The following SLC44A2 variants were observed in gnomAD, a reference collection of about 807,000 sequenced individuals.
SLC44A2 encodes solute carrier family 44 member 2 (CTL2 blood group).
A neutral mutation model predicts 90.8 loss-of-function variants in SLC44A2; 57 were observed. The observed-to-expected ratio is 0.63, with a 90% CI of 0.51 to 0.78. The LOEUF (loss-of-function observed/expected upper bound fraction) is 0.78. Ranked by LOEUF, SLC44A2 falls within the 30% of genes least tolerant of loss-of-function variation. The pLI, the probability that SLC44A2 is intolerant of heterozygous loss-of-function variation, is 0.00. For synonymous variants in SLC44A2, 355 were observed against 360.7 expected (o/e 0.98, Z 0.18); for missense variants, 794 against 919.7 (o/e 0.86, Z 1.77).
intron 2 of SLC44A2, among the ~76,000 whole-genome samples, chr19:10,627,448 G>A (rs927667987): frequency 6.6e-6 from 1 of 152,120 alleles, no homozygotes; most frequent in African/African-American, 2.4e-5. Context: ...AGCTGAGGCA[G>A]GAGGATCACT....
chr19:10,615,644 T>C (rs1047795909), intron 1 of SLC44A2, among the ~76,000 whole-genome samples: 1 of 151,414 alleles, frequency 6.6e-6, no homozygotes, highest in Non-Finnish European at 1.5e-5. Flanking sequence ...GAGGGGTTGG[T>C]CTTGCTGTCT....
chr19:10,618,997 C>T (rs901447086), intron 1 of SLC44A2, among the ~76,000 whole-genome samples: 2 of 132,704 alleles, frequency 1.5e-5, no homozygotes, highest in African/African-American at 2.9e-5. Context: ...CAGGGTCACA[C>T]TATGTCACCC....
rs566264111 is a variant in SLC44A2, at chr19:10,640,837, G to A, written c.1930-1530G>A. Among the ~76,000 whole-genome samples the A allele has an allele frequency of 6.6e-5, 10 of 152,290 alleles. 1 individual carries two copies. The South Asian group carries it at 2.1e-3, about 32-fold the overall frequency. On this transcript the variant is annotated intron_variant, in intron 20 of 21. Coordinates refer to ENST00000335757, the MANE Select transcript of SLC44A2 (RefSeq NM_020428.4). Reference sequence around the variant, plus strand: ...ATGGTGGCCCACACCTGTAATCCCAGCACTTTGGGAAGCCAAGGCAGGCGG... The same window carrying A: ...ATGGTGGCCCACACCTGTAATCCCAACACTTTGGGAAGCCAAGGCAGGCGG...
At position 10,636,886 on chromosome 19, in the gene SLC44A2, G is replaced by A. The variant is rs192240052; in HGVS notation, c.1591+130G>A. 248 of 970,682 alleles carry A rather than the reference G, an allele frequency of 2.6e-4. 1 individual carries two copies. The highest frequency in any genetic ancestry group is 9.0e-4 in the Middle Eastern group (4 of 4,440). 60.1% of individuals were successfully genotyped at this position (970,682 alleles called of 1,614,324 possible). The stretch of plus-strand genomic sequence containing the variant: ...GCAGTGATGGGTTTCTGTCTATGAC[G>A]GGGTGGAGTTCAGGAGTTGGCGTGA... On this transcript the variant is annotated intron_variant, in intron 16 of 21. Transcript: ENST00000335757.
chr19:10,641,971 C>A (rs1009939671), intron 20 of SLC44A2, among the ~76,000 whole-genome samples: 1 of 151,854 alleles, frequency 6.6e-6, no homozygotes, highest in Non-Finnish European at 1.5e-5. Flanking sequence ...ACCAGCCTGG[C>A]CAACATGGTG....
In SLC44A2 at chr19:10,635,247, C is replaced by T. The variant is rs7255431; in HGVS notation, c.1140C>T (p.Ser380=). The part of the protein sequence containing the change: ...LLCLCIAYWA[S]TAVFLSTSNE... ...GCCTCTGCATCGCCTACTGGGCCAG[C>T]ACTGCTGTGTATCTGCCCCCAGACA... The change falls in exon 13 of 22, where the codon AGC becomes AGT. Residue 380 remains serine, a synonymous_variant. Coordinates refer to ENST00000335757, the MANE Select transcript of SLC44A2 (RefSeq NM_020428.4). 2.6e-3 allele frequency: 4,203 copies of T among 1,613,972 alleles called. 79 individuals carry two copies. In the African/African-American group the frequency reaches 0.046, roughly 18 times the overall value.
intron 1 of SLC44A2, among the ~76,000 whole-genome samples, chr19:10,603,458 C>T (rs1302880288): frequency 6.6e-6 from 1 of 152,222 alleles, no homozygotes; most frequent in Non-Finnish European, 1.5e-5. Context: ...ACAAGAACTT[C>T]CTGGAAACTG....
At position 10,625,564 on chromosome 19, in the gene SLC44A2, C is replaced by T. The variant is rs570875641; in HGVS notation, c.-70C>T. The stretch of plus-strand genomic sequence containing the variant: ...CCAGTCGCGCGGTCAGTGCCTCCCT[C>T]CAGACTCGGGAGGGTCGAGGGGGCG... On this transcript the variant is annotated 5_prime_UTR_variant, in exon 1 of 22. Coordinates refer to ENST00000335757, the MANE Select transcript of SLC44A2 (RefSeq NM_020428.4). 3.2e-5 allele frequency: 39 copies of T among 1,233,592 alleles called. No individual in the cohort carries two copies. Among genetic ancestry groups the T allele is most frequent in the Non-Finnish European group, 4.0e-5 (39 of 987,272 alleles). 76.4% of individuals were successfully genotyped at this position (1,233,592 alleles called of 1,614,324 possible). A position where few individuals can be genotyped will look rare whatever the true frequency, so the allele number is the denominator to read the frequency against.
At chr19:10,603,485 T>G (rs1170877248) in intron 1 of SLC44A2, among the ~76,000 whole-genome samples, 3 of 152,120 alleles carry the variant, frequency 2.0e-5, no homozygotes, top group Non-Finnish European at 2.9e-5. Context: ...TGAAGGGCCC[T>G]GGGGAGGGGG....
At chr19:10,610,984 A>G (rs1918285333) in intron 1 of SLC44A2, among the ~76,000 whole-genome samples, 1 of 151,674 alleles carries the variant, frequency 6.6e-6, no homozygotes, top group Non-Finnish European at 1.5e-5. Context: ...CAAGGTGAAC[A>G]TGATATTTAT....
intron 1 of SLC44A2, 123 bp downstream of exon 1, chr19:10,625,793 G>C: frequency 1.2e-6 from 1 of 863,334 alleles, no homozygotes; most frequent in African/African-American, 1.7e-5. Context: ...ATCTGCGCCT[G>C]GAGCCTCCCC....
Position 10,613,374 on chromosome 19 carries a change from C to T in SLC44A2, c.31+10813C>T, listed in dbSNP as rs566348180. On this transcript the variant is annotated intron_variant, in intron 1 of 21. Transcript: ENST00000407327. Reference sequence around the variant, plus strand: ...AAGTGATTCTCCTGCCTCAGCCTCCCGAGTAGCTGGGACTACAGGCGCCCA... The same window carrying T: ...AAGTGATTCTCCTGCCTCAGCCTCCTGAGTAGCTGGGACTACAGGCGCCCA... 6.6e-5 allele frequency among the ~76,000 whole-genome samples: 10 copies of T among 151,976 alleles called. No homozygotes were observed. The South Asian group carries it at 8.3e-4, about 13-fold the overall frequency.
upstream of SLC44A2, among the ~76,000 whole-genome samples, chr19:10,621,437 T>G (rs1021731444): frequency 1.7e-4 from 24 of 144,398 alleles, 1 homozygote; most frequent in South Asian, 6.6e-4. Context: ...TTTTTTTTTT[T>G]TTTTGGTTTT....
rs918098128 is a variant in SLC44A2 at position 10,634,980 on chromosome 19, T to A, written c.962T>A (p.Ile321Asn). The change falls in exon 12 of 22, where the codon ATT becomes AAT. Residue 321 changes from isoleucine (I) to asparagine (N), a missense_variant. Physicochemically the swap from Ile to Asn is moderately radical, Grantham distance 149. Transcript: ENST00000335757. ...LRQTWLAFMI[I>N]LSILEVIIIL... is the part of the protein sequence containing the mutation. ...CAGCCTTTGCCCTTTGCAGTGATCATTCTGAGTATCCTTGAAGTCATTATC... is the reference window on the plus strand; with the variant it reads ...CAGCCTTTGCCCTTTGCAGTGATCAATCTGAGTATCCTTGAAGTCATTATC... 1 of 1,614,064 alleles carries A rather than the reference T, an allele frequency of 6.2e-7. No individual in the cohort carries two copies.
At chr19:10,638,467 A>G in intron 20 of SLC44A2, 152 bp downstream of exon 20, 1 of 770,954 alleles carries the variant, frequency 1.3e-6, no homozygotes, top group Non-Finnish European at 2.2e-6. Flanking sequence ...TTTTGAATCA[A>G]GAGTCTTGCC....
intron 20 of SLC44A2, among the ~76,000 whole-genome samples, chr19:10,642,049 C>G (rs1300734671): frequency 6.6e-6 from 1 of 150,964 alleles, no homozygotes; most frequent in African/African-American, 2.4e-5. Context: ...AGTCCCAGCT[C>G]CTCCGGAGGC....
intron 1 of SLC44A2, among the ~76,000 whole-genome samples, chr19:10,616,523 G>C (rs943206441): frequency 6.6e-6 from 1 of 152,006 alleles, no homozygotes; most frequent in Non-Finnish European, 1.5e-5. Flanking sequence ...AAAGTGCTAG[G>C]ATTACAGGAT....
chr19:10,643,080 C>T (rs954294428), intron 21 of SLC44A2, 199 bp from the exon 22 acceptor site: 20 of 1,452,428 alleles, frequency 1.4e-5, no homozygotes, highest in East Asian at 2.4e-5. Flanking sequence ...GTGCATGAAG[C>T]GGGGGGGTTC....
At chr19:10,625,733 A>G (rs1356063378) in intron 1 of SLC44A2, 63 bp downstream of exon 1, 12 of 1,211,120 alleles carry the variant, frequency 9.9e-6, no homozygotes, top group Non-Finnish European at 1.1e-5. Context: ...GGGGGCCTTG[A>G]GAGAACATGG....
Sources: gnomAD v4.1 joint callset for allele counts (sites outside exome capture counted in the v4.1 genomes callset) on GRCh38, gnomAD v4.1.1 for gene constraint, MANE v1.5 for transcripts, NCBI Gene and HGNC (gene_info 2026-07-23, HGNC 2026-07-21) for gene names.